The following COL28A1 variants were observed in gnomAD, a reference collection of about 807,000 sequenced individuals.
COL28A1 encodes collagen alpha-1(XXVIII) chain.
A neutral mutation model predicts 150.2 loss-of-function variants in COL28A1; 161 were observed. The observed-to-expected ratio is 1.07, with a 90% confidence interval of 0.94 to 1.22. COL28A1 has a LOEUF of 1.22. Ranked by LOEUF, COL28A1 falls within the 50% of genes most tolerant of loss-of-function variation. The probability of loss-of-function intolerance (pLI) is 0.00; values close to 1 mark genes in which losing one functional copy is unlikely to be tolerated. For synonymous variants in COL28A1, 552 were observed against 469.7 expected (o/e 1.18, Z -2.26); for missense variants, 1,617 against 1,388.3 (o/e 1.16, Z -2.62).
chr7:7,423,031 G>A (rs1476881960), intron 25 of COL28A1, among the ~76,000 whole-genome samples: 3 of 152,192 alleles, frequency 2.0e-5, no homozygotes, highest in Admixed American at 1.3e-4. Context: ...TGCAGCAAAT[G>A]GGTAAGACAA....
At chr7:7,452,819 G>A (rs1786815591) in intron 17 of COL28A1, among the ~76,000 whole-genome samples, 1 of 152,158 alleles carries the variant, frequency 6.6e-6, no homozygotes, top group Admixed American at 6.5e-5. Flanking sequence ...AATAGTCAGA[G>A]TGGTCCATTG....
intron 27 of COL28A1, among the ~76,000 whole-genome samples, chr7:7,411,987 C>T (rs1210285151): frequency 6.6e-6 from 1 of 152,088 alleles, no homozygotes; most frequent in Non-Finnish European, 1.5e-5. Context: ...CTTAAAATTT[C>T]CATCCTTCCT....
intron 27 of COL28A1, among the ~76,000 whole-genome samples, chr7:7,394,472 T>C (rs1201593004): frequency 6.6e-6 from 1 of 152,262 alleles, no homozygotes; most frequent in Non-Finnish European, 1.5e-5. Context: ...TTGATATTCT[T>C]ACTTTTCGTA....
chr7:7,431,014 C>T (rs1183678789), intron 25 of COL28A1, among the ~76,000 whole-genome samples: 1 of 152,072 alleles, frequency 6.6e-6, no homozygotes, highest in Non-Finnish European at 1.5e-5. Flanking sequence ...ATCAAGATTC[C>T]CTTTTAAAGA....
At position 7,440,823 on chromosome 7, in the gene COL28A1, T is replaced by C; in HGVS notation, c.1689A>G (p.Gly563=). The stretch of plus-strand genomic sequence containing the variant: ...CTTCGGGCCCTGGAAGTCCCCTCTG[T>C]CCTTGATTTCCTTTGCTCCCTTTCT... ...EGKKGSKGNQ[G]QRGLPGPEGP... The change falls in exon 21 of 35, where the codon GGA becomes GGG. Residue 563 remains glycine, a synonymous_variant. Transcript: ENST00000399429. 6.5e-7 allele frequency: 1 copy of C among 1,549,112 alleles called. No individual in the cohort carries two copies. The highest frequency in any genetic ancestry group is 8.9e-7 in the Non-Finnish European group (1 of 1,121,748).
intron 25 of COL28A1, among the ~76,000 whole-genome samples, chr7:7,427,020 T>C (rs543818242): frequency 6.6e-6 from 1 of 152,280 alleles, no homozygotes; most frequent in South Asian, 2.1e-4. Context: ...GGGCAATGAA[T>C]GTTAAGGGGA....
chr7:7,432,411 A>C, intron 25 of COL28A1, 62 bp downstream of exon 25: 1 of 1,398,666 alleles, frequency 7.1e-7, no homozygotes. Flanking sequence ...TATTTTTACC[A>C]AAGTCACCTA....
At position 7,370,802 on chromosome 7, in the gene COL28A1, G is replaced by A; in HGVS notation, c.2989C>T (p.Pro997Ser). 2 of 1,613,614 alleles carry A rather than the reference G, an allele frequency of 1.2e-6. No homozygotes were observed. Among genetic ancestry groups the A allele is most frequent in the South Asian group, 1.1e-5 (1 of 91,044 alleles). ...YLVQIFGSSSPQPGFGMSGEE... is the reference protein window; with the variant it reads ...YLVQIFGSSSSQPGFGMSGEE... The stretch of plus-strand genomic sequence containing the variant: ...CCTGACATCCCAAATCCAGGTTGAG[G>A]TGACGATGAACCAAAAATTTGAACG... The change falls in exon 33 of 35, where the codon CCT becomes TCT. Residue 997 changes from proline (P) to serine (S), a missense_variant. Physicochemically the swap from Pro to Ser is moderately conservative, Grantham distance 74 (BLOSUM62 -1). Coordinates refer to ENST00000399429, the MANE Select transcript of COL28A1 (RefSeq NM_001037763.3).
At chr7:7,541,849 T>C in the COL28A1 span, among the ~76,000 whole-genome samples, 105 of 152,012 alleles carry the variant, frequency 6.9e-4, no homozygotes, top group Middle Eastern at 3.4e-3. Flanking sequence ...GTTTCTACTA[T>C]ATGTGAGGCA....
At chr7:7,493,259 AT>A (rs942772349) in intron 11 of COL28A1, among the ~76,000 whole-genome samples, 2 of 151,964 alleles carry the variant, frequency 1.3e-5, no homozygotes, top group African/African-American at 4.8e-5. Flanking sequence ...GAATTTGAGG[AT>A]TTTTTGAGTA....
intron 15 of COL28A1, 104 bp from the exon 16 acceptor site, chr7:7,456,216 A>G: frequency 1.5e-6 from 2 of 1,372,452 alleles, no homozygotes; most frequent in Non-Finnish European, 1.9e-6. Context: ...TCTTTATACT[A>G]TAAAAAAAAT....
At chr7:7,479,510 A>G (rs1181262280) in intron 13 of COL28A1, among the ~76,000 whole-genome samples, 2 of 152,250 alleles carry the variant, frequency 1.3e-5, no homozygotes, top group South Asian at 2.1e-4. Flanking sequence ...ATCATCACAC[A>G]GCTGTTTTAA....
chr7:7,419,030 G>C (rs1345352804), intron 26 of COL28A1, among the ~76,000 whole-genome samples: 1 of 151,992 alleles, frequency 6.6e-6, no homozygotes, highest in Non-Finnish European at 1.5e-5. Context: ...GTGCATTTTC[G>C]GCATGAATAT....
intron 11 of COL28A1, among the ~76,000 whole-genome samples, chr7:7,500,714 TAC>T (rs1780473859): frequency 6.6e-6 from 1 of 151,712 alleles, no homozygotes; most frequent in East Asian, 1.9e-4. Flanking sequence ...TTAGCATGCT[TAC>T]AGTTTTAAGT....
In COL28A1 at chr7:7,521,833, T is replaced by A. The variant is rs375713742; in HGVS notation, c.759+72A>T. On this transcript the variant is annotated intron_variant, in intron 5 of 34. Coordinates refer to ENST00000399429, the MANE Select transcript of COL28A1 (RefSeq NM_001037763.3). ...TTTCAGCAGTGCAAAATAGCCCCGA[T>A]GTTTTCAAGAGCGAGTAGAGCTATC... 16 of 828,272 alleles carry A rather than the reference T, an allele frequency of 1.9e-5. No homozygotes were observed. The African/African-American group carries it at 2.5e-4, about 13-fold the overall frequency. The allele number at this position is 828,272 out of a possible 1,614,324, so 51.3% of individuals were successfully genotyped here.
At chr7:7,528,510 T>C (rs1233842867) in intron 3 of COL28A1, among the ~76,000 whole-genome samples, 2 of 152,216 alleles carry the variant, frequency 1.3e-5, no homozygotes, top group Admixed American at 1.3e-4. Flanking sequence ...AAGAATCTAT[T>C]CATTCTGTAT....
chr7:7,535,186 A>C (rs1782578248), intron 1 of COL28A1, among the ~76,000 whole-genome samples: 1 of 152,178 alleles, frequency 6.6e-6, no homozygotes, highest in Non-Finnish European at 1.5e-5. Flanking sequence ...ATAAATGCAG[A>C]AACAATCATA....
intron 25 of COL28A1, among the ~76,000 whole-genome samples, chr7:7,420,757 CA>C (rs1415302333): frequency 2.0e-5 from 3 of 152,186 alleles, no homozygotes; most frequent in African/African-American, 7.2e-5. Flanking sequence ...GTGTTTCTAT[CA>C]TGATTTTTAC....
At chr7:7,381,658 A>G in intron 27 of COL28A1, 46 bp from the exon 28 acceptor site, 2 of 1,470,530 alleles carry the variant, frequency 1.4e-6, no homozygotes, top group Non-Finnish European at 1.9e-6. Flanking sequence ...TTCCCAGGAT[A>G]GCTTGGCTAT....
Sources: gnomAD v4.1 joint callset for allele counts (sites outside exome capture counted in the v4.1 genomes callset) on GRCh38, gnomAD v4.1.1 for gene constraint, MANE v1.5 for transcripts, NCBI Gene and HGNC (gene_info 2026-07-23, HGNC 2026-07-21) for gene names.